DTNA: variants seen among roughly 807,000 people sequenced by gnomAD.
DTNA encodes dystrophin-related protein 3.
Under a neutral mutation model 100.7 loss-of-function variants are expected in DTNA, and 43 were observed. The ratio of observed to expected loss-of-function variants is 0.43; its 90% CI spans 0.33 to 0.55. The LOEUF (loss-of-function observed/expected upper bound fraction) is 0.55, where lower values mean the gene tolerates loss of function less well. Among genes scored for constraint, DTNA ranks in the 20% least tolerant of loss-of-function variants. DTNA has a pLI of 0.04. For missense variants in DTNA, 798 were observed against 953.9 expected (o/e 0.84, Z 2.15); for synonymous variants, 349 against 347.9 (o/e 1.00, Z -0.04).
intron 3 of DTNA, among the ~76,000 whole-genome samples, chr18:34,782,617 C>G (rs2094369195): frequency 6.6e-6 from 1 of 152,000 alleles, no homozygotes; most frequent in South Asian, 2.1e-4. Flanking sequence ...GTAGGGCACA[C>G]CTGGTGGAGG....
chr18:34,710,679 T>A (rs2082725839), intron 1 of DTNA, among the ~76,000 whole-genome samples: 1 of 142,628 alleles, frequency 7.0e-6, no homozygotes, highest in African/African-American at 2.9e-5. Flanking sequence ...TGTGGGAGTG[T>A]GTGTGTGTGT....
chr18:34,667,842 A>G (rs1480199147), intron 1 of DTNA, among the ~76,000 whole-genome samples: 3 of 151,954 alleles, frequency 2.0e-5, no homozygotes, highest in East Asian at 1.9e-4. Context: ...TTTATTGAGG[A>G]TTTTTGCATC....
intron 14 of DTNA, 85 bp downstream of exon 14, chr18:34,848,468 GTGC>G (rs1323812872): frequency 7.3e-7 from 1 of 1,369,372 alleles, no homozygotes; most frequent in Non-Finnish European, 1.0e-6. Flanking sequence ...ATTATAGCTG[GTGC>G]TGATTACCAG....
intron 20 of DTNA, among the ~76,000 whole-genome samples, chr18:34,881,437 CTTTTTTTTTTTT>C (rs752828928): frequency 3.9e-5 from 2 of 51,398 alleles, no homozygotes; most frequent in African/African-American, 8.4e-5. Context: ...AATTAAAATG[CTTTTTTTTTTTT>C]TTTTTTTTTT....
intron 11 of DTNA, among the ~76,000 whole-genome samples, chr18:34,836,372 G>A (rs888138694): frequency 2.5e-4 from 38 of 152,164 alleles, no homozygotes; most frequent in African/African-American, 7.7e-4. Flanking sequence ...TCAATTTTGG[G>A]CCGAGCACGG....
At chr18:34,669,248 C>A (rs935539142) in intron 1 of DTNA, among the ~76,000 whole-genome samples, 2 of 152,064 alleles carry the variant, frequency 1.3e-5, no homozygotes, top group African/African-American at 4.8e-5. Flanking sequence ...AGGATTGCAA[C>A]CCCTGCCTTT....
intron 1 of DTNA, among the ~76,000 whole-genome samples, chr18:34,554,027 ATTTG>A (rs1298712718): frequency 6.9e-6 from 1 of 145,214 alleles, no homozygotes; most frequent in African/African-American, 2.6e-5. Flanking sequence ...ATGTTCTTCC[ATTTG>A]TTTGTATCCT....
At chr18:34,538,474 G>A (rs956290986) in intron 1 of DTNA, among the ~76,000 whole-genome samples, 31 of 152,146 alleles carry the variant, frequency 2.0e-4, no homozygotes, top group African/African-American at 6.0e-4. Context: ...TATTCACAGT[G>A]GAGTGGATTC....
At chr18:34,728,214 T>C (rs1045733187) in intron 1 of DTNA, among the ~76,000 whole-genome samples, 3 of 152,190 alleles carry the variant, frequency 2.0e-5, no homozygotes, top group African/African-American at 7.2e-5. Flanking sequence ...TATCTTCTTT[T>C]GTATAATTAT....
At chr18:34,749,094 T>C (rs571725319) in intron 1 of DTNA, among the ~76,000 whole-genome samples, 1 of 152,300 alleles carries the variant, frequency 6.6e-6, no homozygotes, top group South Asian at 2.1e-4. Context: ...TAAGAGGGAT[T>C]GAGTTCTGGA....
chr18:34,519,574 C>T (rs2041971414), intron 1 of DTNA, among the ~76,000 whole-genome samples: 1 of 152,092 alleles, frequency 6.6e-6, no homozygotes, highest in Non-Finnish European at 1.5e-5. Context: ...AATTCTTGTC[C>T]TGTAATGAAG....
chr18:34,842,032 T>C (rs1357921546), intron 13 of DTNA, among the ~76,000 whole-genome samples: 6 of 152,180 alleles, frequency 3.9e-5, no homozygotes, highest in Non-Finnish European at 7.3e-5. Context: ...TAATAATTTG[T>C]ATGCACCTTC....
intron 1 of DTNA, among the ~76,000 whole-genome samples, chr18:34,553,243 A>G (rs1031096137): frequency 2.7e-5 from 4 of 150,704 alleles, no homozygotes; most frequent in Admixed American, 2.6e-4. Context: ...TTTTTCTTGT[A>G]AATTTGTTTG....
intron 10 of DTNA, among the ~76,000 whole-genome samples, chr18:34,828,645 C>T (rs1316262361): frequency 6.6e-6 from 1 of 151,970 alleles, no homozygotes; most frequent in Non-Finnish European, 1.5e-5. Flanking sequence ...TCAACAGGAA[C>T]CTGAGATGAA....
chr18:34,764,739 G>A (rs1160629144), intron 2 of DTNA, among the ~76,000 whole-genome samples: 4 of 152,116 alleles, frequency 2.6e-5, no homozygotes, highest in Non-Finnish European at 4.4e-5. Flanking sequence ...TAATATAATC[G>A]CTTCCAGGAT....
intron 1 of DTNA, among the ~76,000 whole-genome samples, chr18:34,501,934 C>A (rs941201285): frequency 5.9e-5 from 9 of 152,210 alleles, no homozygotes; most frequent in African/African-American, 2.2e-4. Context: ...CTAAACACAC[C>A]CTAACAGCTA....
chr18:34,557,840 C>T (rs1179112214), intron 1 of DTNA: 6 of 152,312 alleles, frequency 3.9e-5, no homozygotes, highest in African/African-American at 1.4e-4. Flanking sequence ...GTGCCCTGCC[C>T]CCAGAGGTGG....
chr18:34,825,348 A>T, intron 9 of DTNA: 1 of 1,588,180 alleles, frequency 6.3e-7, no homozygotes, highest in Non-Finnish European at 8.6e-7. Flanking sequence ...ATGAGACACA[A>T]AACAAGTGAG....
At position 34,765,954 on chromosome 18, in the gene DTNA, G is replaced by T. The variant is rs372126412; in HGVS notation, c.68-7G>T. The T allele has an allele frequency of 1.9e-6, 3 of 1,613,164 alleles. No individual in the cohort carries two copies. Among genetic ancestry groups the T allele is most frequent in the Non-Finnish European group, 2.5e-6 (3 of 1,179,598 alleles). On this transcript the variant is annotated splice_polypyrimidine_tract_variant and splice_region_variant and intron_variant, in intron 2 of 22. Transcript: ENST00000444659. Reference sequence around the variant, plus strand: ...CATACCTTATGTGTCCTTTTTCCCCGCACTAGGGGCTCAAGATCTGGATCG... The same window carrying T: ...CATACCTTATGTGTCCTTTTTCCCCTCACTAGGGGCTCAAGATCTGGATCG...
Sources: allele counts gnomAD v4.1 joint callset (sites outside exome capture counted in the v4.1 genomes callset), GRCh38; gene constraint gnomAD v4.1.1; transcripts MANE v1.5; gene names NCBI Gene and HGNC (gene_info 2026-07-23, HGNC 2026-07-21).